Variants in C6orf58 observed in about 807,000 individuals in gnomAD.
C6orf58 encodes the protein protein LEG1 homolog.
C6orf58 carries 30 observed loss-of-function variants against 37.0 expected under a neutral mutation model. That is an observed-to-expected ratio of 0.81 (90% CI 0.61 to 1.10). C6orf58 has a LOEUF of 1.10. C6orf58 is among the 50% of genes least tolerant of loss of function. The probability of loss-of-function intolerance (pLI) is 0.00; values close to 1 mark genes in which losing one functional copy is unlikely to be tolerated. For missense variants in C6orf58, 368 were observed against 387.5 expected (o/e 0.95, Z 0.42); for synonymous variants, 143 against 134.1 (o/e 1.07, Z -0.46).
intron 1 of C6orf58, among the ~76,000 whole-genome samples, chr6:127,577,821 A>G (rs180786235): frequency 1.1e-3 from 171 of 152,268 alleles, no homozygotes; most frequent in Admixed American, 0.01. Flanking sequence ...GAGATGAACA[A>G]AACAGTCAAG....
intron 2 of C6orf58, among the ~76,000 whole-genome samples, 184 bp downstream of exon 2, chr6:127,578,956 T>C (rs1474378136): frequency 1.3e-5 from 2 of 152,090 alleles, no homozygotes; most frequent in Admixed American, 1.3e-4. Context: ...ACAATGTCAA[T>C]AATGATTCCT....
intron 4 of C6orf58, among the ~76,000 whole-genome samples, chr6:127,583,971 C>A (rs1055132037): frequency 3.9e-5 from 6 of 152,132 alleles, no homozygotes; most frequent in Admixed American, 3.3e-4. Context: ...TCAGTAGGAC[C>A]TTTGACCAAT....
Position 127,580,580 on chromosome 6 carries a change from A to C in C6orf58, c.573+131A>C, listed in dbSNP as rs1775039029. 7 of 637,350 alleles carry C rather than the reference A, an allele frequency of 1.1e-5. No individual in the cohort carries two copies. The East Asian group carries it at 1.9e-4, about 17-fold the overall frequency. The allele number at this position is 637,350 out of a possible 1,614,324, so 39.5% of individuals were successfully genotyped here. The stretch of plus-strand genomic sequence containing the variant: ...TGTAAATTGCTATGCATGATATATT[A>C]ATAGTATATTGTAGAGTGTTATGAG... On this transcript the variant is annotated intron_variant, in intron 3 of 5. Coordinates refer to ENST00000329722, the MANE Select transcript of C6orf58 (RefSeq NM_001010905.3).
At chr6:127,590,567 G>C (rs1775151434) in intron 5 of C6orf58, among the ~76,000 whole-genome samples, 2 of 151,880 alleles carry the variant, frequency 1.3e-5, no homozygotes, top group Admixed American at 1.3e-4. Flanking sequence ...GTTGAAACTT[G>C]AAGTTGGCAA....
At chr6:127,585,231 C>T (rs1053462084) in intron 4 of C6orf58, among the ~76,000 whole-genome samples, 13 of 152,210 alleles carry the variant, frequency 8.5e-5, no homozygotes, top group East Asian at 5.8e-4. Flanking sequence ...TTTGTAAGGA[C>T]GGATATCCTT....
chr6:127,588,431 AAC>A (rs1436431095), intron 4 of C6orf58, among the ~76,000 whole-genome samples: 2 of 152,192 alleles, frequency 1.3e-5, no homozygotes, highest in African/African-American at 4.8e-5. Context: ...CATGCTGTGA[AAC>A]AACCCTAAAA....
chr6:127,585,648 A>G lies in C6orf58; in HGVS notation c.674+4366A>G, dbSNP rs536062570. On this transcript the variant is annotated intron_variant, in intron 4 of 5. Transcript: ENST00000329722. ...AGTGTCATACTAAGAACAGACTAATACTCCAAGAAAACCTTGGCTTAACAC... is the reference window on the plus strand; with the variant it reads ...AGTGTCATACTAAGAACAGACTAATGCTCCAAGAAAACCTTGGCTTAACAC... Among the ~76,000 whole-genome samples, 86 of 152,304 alleles carry G rather than the reference A, an allele frequency of 5.6e-4. 1 individual carries two copies. The highest frequency in any genetic ancestry group is 1.9e-3 in the African/African-American group (79 of 41,562).
intron 2 of C6orf58, 135 bp from the exon 3 acceptor site, chr6:127,580,130 T>C: frequency 3.3e-6 from 2 of 601,126 alleles, no homozygotes; most frequent in South Asian, 2.7e-5. Flanking sequence ...TTTTGTTCAA[T>C]ATTTTTTTCC....
chr6:127,590,023 G>T, intron 4 of C6orf58, 64 bp from the exon 5 acceptor site: 1 of 1,046,622 alleles, frequency 9.6e-7, no homozygotes, highest in Non-Finnish European at 1.4e-6. Flanking sequence ...ATTTTCTGAA[G>T]GCAATGAGCT....
chr6:127,591,474 A>AT, intron 5 of C6orf58, 69 bp from the exon 6 acceptor site: 1 of 1,334,478 alleles, frequency 7.5e-7, no homozygotes, highest in South Asian at 1.6e-5. Context: ...ATTATGAGCC[A>AT]TATATTGCCA....
At chr6:127,586,307 G>A (rs1306089223) in intron 4 of C6orf58, among the ~76,000 whole-genome samples, 1 of 152,166 alleles carries the variant, frequency 6.6e-6, no homozygotes, top group Admixed American at 6.5e-5. Flanking sequence ...GAAGGGTGAG[G>A]GGAATGGAAT....
chr6:127,581,462 GTT>G, intron 4 of C6orf58, among the ~76,000 whole-genome samples, 180 bp downstream of exon 4: 1 of 150,648 alleles, frequency 6.6e-6, no homozygotes, highest in Middle Eastern at 3.4e-3. Context: ...TTAAAAAAGT[GTT>G]TTATGAAGAA....
chr6:127,585,980 A>C (rs1775102216), intron 4 of C6orf58, among the ~76,000 whole-genome samples: 2 of 152,172 alleles, frequency 1.3e-5, no homozygotes, highest in African/African-American at 4.8e-5. Context: ...AGCACATTTT[A>C]CCTGTCTACT....
intron 4 of C6orf58, among the ~76,000 whole-genome samples, chr6:127,583,416 G>A (rs1485696802): frequency 1.3e-5 from 2 of 151,832 alleles, no homozygotes; most frequent in Non-Finnish European, 2.9e-5. Flanking sequence ...GGCCAAAAAG[G>A]AAAAGGAGAA....
chr6:127,584,612 A>G (rs1775088361), intron 4 of C6orf58, among the ~76,000 whole-genome samples: 1 of 152,098 alleles, frequency 6.6e-6, no homozygotes, highest in Admixed American at 6.5e-5. Flanking sequence ...CGTCTCTAGT[A>G]AAAATACAGA....
chr6:127,581,043 C>T (rs1775044567), intron 3 of C6orf58, 139 bp from the exon 4 acceptor site: 1 of 398,710 alleles, frequency 2.5e-6, no homozygotes, highest in East Asian at 3.7e-5. Context: ...GCATTAAGGC[C>T]ATATACATAC....
intron 4 of C6orf58, among the ~76,000 whole-genome samples, chr6:127,582,236 C>G (rs530496613): frequency 3.9e-5 from 6 of 152,178 alleles, no homozygotes; most frequent in South Asian, 2.1e-4. Context: ...TGAATAGCTG[C>G]ATAAGAGGAT....
At chr6:127,587,456 T>A (rs2114299120) in intron 4 of C6orf58, among the ~76,000 whole-genome samples, 1 of 152,184 alleles carries the variant, frequency 6.6e-6, no homozygotes, top group South Asian at 2.1e-4. Context: ...AAGGCTTATA[T>A]TGGCAAAAGG....
chr6:127,585,612 A>T (rs1775099088), intron 4 of C6orf58, among the ~76,000 whole-genome samples: 1 of 152,210 alleles, frequency 6.6e-6, no homozygotes, highest in Non-Finnish European at 1.5e-5. Context: ...GGGTAAAGAA[A>T]AACTTTTCAC....
Sources: gnomAD v4.1 joint callset for allele counts (sites outside exome capture counted in the v4.1 genomes callset) on GRCh38, gnomAD v4.1.1 for gene constraint, MANE v1.5 for transcripts, NCBI Gene and HGNC (gene_info 2026-07-23, HGNC 2026-07-21) for gene names.